DAPK2: variants seen among roughly 807,000 people sequenced by gnomAD.
DAPK2 encodes death-associated protein kinase 2.
Under a neutral mutation model 44.1 loss-of-function variants are expected in DAPK2, and 35 were observed. The ratio of observed to expected loss-of-function variants is 0.79; its 90% confidence interval spans 0.61 to 1.05. The LOEUF is 1.05. Among genes scored for constraint, DAPK2 ranks in the 50% least tolerant of loss-of-function variants. DAPK2 has a pLI of 0.00. For synonymous variants in DAPK2, 174 were observed against 182.6 expected (o/e 0.95, Z 0.38); for missense variants, 453 against 483.2 (o/e 0.94, Z 0.59).
chr15:63,939,248 C>T lies in DAPK2; in HGVS notation c.567G>A (p.Gly189=). ...ACAACTCACCAACAAATTCCGGCGT[C>T]CCAAAAATATTCTTAAATTCAACTC... Residue 189 remains glycine, a synonymous_variant, in exon 4 of 11, where the codon GGG becomes GGA. Transcript: ENST00000261891. The surrounding 1 kb of genome is among the most constrained non-coding windows in gnomAD (Gnocchi z 4.3). The T allele has an allele frequency of 6.2e-7, 1 of 1,613,950 alleles. No individual in the cohort carries two copies. Among genetic ancestry groups the T allele is most frequent in the Non-Finnish European group, 8.5e-7 (1 of 1,179,958 alleles).
At chr15:63,962,431 T>C (rs533955685) in intron 3 of DAPK2, among the ~76,000 whole-genome samples, 1 of 152,346 alleles carries the variant, frequency 6.6e-6, no homozygotes, top group South Asian at 2.1e-4. Context: ...GGCCCTCTGA[T>C]TTCTAGAATT....
In DAPK2 at chr15:64,013,835, TC is replaced by T. The variant is rs1299022679; in HGVS notation, c.92+26334del. Among the ~76,000 whole-genome samples, 1 of 152,208 alleles carries T rather than the reference TC, an allele frequency of 6.6e-6. No individual in the cohort carries two copies. Among genetic ancestry groups the T allele is most frequent in the Admixed American group, 6.6e-5 (1 of 15,262 alleles). ...ACCAGTCCCTGTAAGTGGTCCAGCCTCACATGAATAAATCATGATGCCATTA... is the reference window on the plus strand; with the variant it reads ...ACCAGTCCCTGTAAGTGGTCCAGCCTACATGAATAAATCATGATGCCATTA... On this transcript the variant is annotated intron_variant, in intron 1 of 10. Coordinates refer to ENST00000261891, the Ensembl canonical transcript of DAPK2. This position sits in a 1 kb window ranked among gnomAD's most constrained non-coding sequence, Gnocchi z 4.7.
At chr15:63,928,072 T>C (rs571256671) in intron 6 of DAPK2, among the ~76,000 whole-genome samples, 187 of 152,294 alleles carry the variant, frequency 1.2e-3, no homozygotes, top group African/African-American at 3.9e-3. Context: ...AATCAAAGTT[T>C]CAAGAGCCAA....
chr15:63,945,480 T>G (rs888903258), intron 3 of DAPK2, among the ~76,000 whole-genome samples: 6 of 152,106 alleles, frequency 3.9e-5, no homozygotes, highest in African/African-American at 1.4e-4. Flanking sequence ...ATTCCTCCTA[T>G]AGGGCTGTGA....
intron 1 of DAPK2, among the ~76,000 whole-genome samples, chr15:64,009,002 C>T (rs1426240337): frequency 1.3e-5 from 2 of 152,154 alleles, no homozygotes; most frequent in Non-Finnish European, 2.9e-5. Flanking sequence ...GGAAAGTTGG[C>T]CAGAATTTAT....
intron 2 of DAPK2, among the ~76,000 whole-genome samples, chr15:63,972,838 G>C (rs1177429207): frequency 1.3e-5 from 2 of 152,128 alleles, no homozygotes; most frequent in Non-Finnish European, 2.9e-5. Flanking sequence ...ACCTGTTTGG[G>C]AAGGAACAAA....
At chr15:63,946,278 G>A (rs1264654222) in intron 3 of DAPK2, among the ~76,000 whole-genome samples, 1 of 152,246 alleles carries the variant, frequency 6.6e-6, no homozygotes, top group Non-Finnish European at 1.5e-5. Flanking sequence ...GGGCACCCAT[G>A]GCCTGTGGGC....
At chr15:64,033,032 G>C (rs190879674) in intron 1 of DAPK2, among the ~76,000 whole-genome samples, 1 of 152,156 alleles carries the variant, frequency 6.6e-6, no homozygotes, top group East Asian at 1.9e-4. Flanking sequence ...GTTGCAGTGA[G>C]CCAAGATAGC....
rs1280306875 is a variant in DAPK2, at chr15:63,982,144, G to A, written c.314+1389C>T. 3.3e-5 allele frequency among the ~76,000 whole-genome samples: 5 copies of A among 150,346 alleles called. No individual in the cohort carries two copies. The East Asian group carries it at 5.9e-4, about 18-fold the overall frequency. The stretch of plus-strand genomic sequence containing the variant: ...ATTCCTGAGAGATTCTATCACTCCC[G>A]CTACCAGGCAGGTGTATACATGCTT... On this transcript the variant is annotated intron_variant, in intron 2 of 10. Coordinates refer to ENST00000261891, the Ensembl canonical transcript of DAPK2.
At position 63,924,675 on chromosome 15, in the gene DAPK2, C is replaced by T. The variant is rs571755876; in HGVS notation, c.858+141G>A. 3.3e-4 allele frequency: 293 copies of T among 897,874 alleles called. No individual in the cohort carries two copies. The African/African-American group carries it at 4.4e-3, about 13-fold the overall frequency. 55.6% of individuals were successfully genotyped at this position (897,874 alleles called of 1,614,324 possible). On this transcript the variant is annotated intron_variant, in intron 8 of 10. Coordinates refer to ENST00000261891, the Ensembl canonical transcript of DAPK2. ...AATAAGCCCAGGCCCTCTGGGGCCC[C>T]TGGCTAGCTTTCATCTGTGCCCAGG...
Position 63,908,512 on chromosome 15 carries a change from C to T in DAPK2, c.*8G>A. 6.3e-7 allele frequency: 1 copy of T among 1,580,372 alleles called. No individual in the cohort carries two copies. The highest frequency in any genetic ancestry group is 8.6e-7 in the Non-Finnish European group (1 of 1,163,676). ...GACCTCCCTGGCGGCCACTGCAGGT[C>T]AGGCCAGTTAGGAGGTGCTGCTCCT... On this transcript the variant is annotated 3_prime_UTR_variant, in exon 11 of 11. Coordinates refer to ENST00000261891, the Ensembl canonical transcript of DAPK2. This position sits in a 1 kb window ranked among gnomAD's most constrained non-coding sequence, Gnocchi z 5.7.
rs747501246 is a variant in DAPK2 at position 63,912,632 on chromosome 15, T to G, written c.859-435A>C. 6.6e-6 allele frequency among the ~76,000 whole-genome samples: 1 copy of G among 152,108 alleles called. No individual in the cohort carries two copies. Among genetic ancestry groups the G allele is most frequent in the Non-Finnish European group, 1.5e-5 (1 of 68,022 alleles). On this transcript the variant is annotated intron_variant, in intron 8 of 10. Transcript: ENST00000261891. The surrounding 1 kb of genome is among the most constrained non-coding windows in gnomAD (Gnocchi z 4.4). ...CCATTAAAAAATAAATGGAAGGAAATAAGGGCTTTGATGAAAGTCAAGAGG... is the reference window on the plus strand; with the variant it reads ...CCATTAAAAAATAAATGGAAGGAAAGAAGGGCTTTGATGAAAGTCAAGAGG...
chr15:63,927,355 C>T (rs953401089), intron 6 of DAPK2, among the ~76,000 whole-genome samples: 10 of 152,186 alleles, frequency 6.6e-5, no homozygotes, highest in African/African-American at 2.4e-4. Context: ...TTTTCTCATG[C>T]CATTTCCTCA....
At chr15:63,967,165 G>A (rs923573394) in intron 3 of DAPK2, among the ~76,000 whole-genome samples, 49 of 152,042 alleles carry the variant, frequency 3.2e-4, no homozygotes, top group Admixed American at 1.4e-3. Context: ...GGGCAACAGT[G>A]CAAGATTCAG....
chr15:63,991,124 G>C (rs2078805204), intron 1 of DAPK2: 1 of 408,166 alleles, frequency 2.4e-6, no homozygotes, highest in African/African-American at 2.1e-5. Context: ...CAGATATTCA[G>C]GAAACCAAAA....
intron 1 of DAPK2, among the ~76,000 whole-genome samples, chr15:64,019,853 G>A (rs991329139): frequency 1.3e-5 from 2 of 152,126 alleles, no homozygotes; most frequent in Non-Finnish European, 2.9e-5. Context: ...ACACACCTAT[G>A]CGTTGTATAA....
chr15:63,988,775 G>C (rs2078734838), intron 1 of DAPK2, among the ~76,000 whole-genome samples: 1 of 151,708 alleles, frequency 6.6e-6, no homozygotes, highest in South Asian at 2.1e-4. Context: ...CAAAGTGCTG[G>C]GATTACAGGC....
chr15:63,933,122 G>C (rs1469779589), intron 4 of DAPK2, among the ~76,000 whole-genome samples: 1 of 152,216 alleles, frequency 6.6e-6, no homozygotes, highest in East Asian at 1.9e-4. Context: ...ATAGTCCACA[G>C]ACTGTCACTG....
intron 1 of DAPK2, among the ~76,000 whole-genome samples, chr15:63,988,814 T>C (rs2078736372): frequency 6.6e-6 from 1 of 152,066 alleles, no homozygotes; most frequent in African/African-American, 2.4e-5. Flanking sequence ...CCAGCTTTTT[T>C]CTTAATGAGC....
Sources: gnomAD v4.1 joint callset for allele counts (sites outside exome capture counted in the v4.1 genomes callset) on GRCh38, gnomAD v4.1.1 for gene constraint, Gnocchi (gnomAD v3.1) non-coding constraint, MANE v1.5 for transcripts, NCBI Gene and HGNC (gene_info 2026-07-23, HGNC 2026-07-21) for gene names.